The following ONECUT1 variants were observed in gnomAD, a reference collection of about 807,000 sequenced individuals.
ONECUT1 encodes one cut homeobox 1.
A neutral mutation model predicts 25.6 loss-of-function variants in ONECUT1; 12 were observed. The ratio of observed to expected loss-of-function variants is 0.47; its 90% CI spans 0.30 to 0.76. The LOEUF (loss-of-function observed/expected upper bound fraction) is 0.76. Among genes scored for constraint, ONECUT1 ranks in the 30% least tolerant of loss-of-function variants. ONECUT1 has a pLI of 0.07. For missense variants in ONECUT1, 620 were observed against 651.2 expected, an observed-to-expected ratio of 0.95 and a Z score of 0.52; for synonymous variants, 285 against 270.2, an observed-to-expected ratio of 1.05 and a Z score of -0.54.
intron 1 of ONECUT1, chr15:52,785,709 G>T (rs2083870375): frequency 6.6e-6 from 1 of 152,330 alleles, no homozygotes. Context: ...TCCCGGAGGA[G>T]ACGCGGCGAG....
chr15:52,759,653 C>G (rs974337941), intron 1 of ONECUT1, among the ~76,000 whole-genome samples: 1 of 152,194 alleles, frequency 6.6e-6, no homozygotes, highest in Non-Finnish European at 1.5e-5. Flanking sequence ...AGGCTGGATA[C>G]AGTGGTGCAA....
chr15:52,784,652 C>T lies in ONECUT1; in HGVS notation c.1105+4128G>A, dbSNP rs2083862325. On this transcript the variant is annotated intron_variant, in intron 1 of 1. Coordinates refer to ENST00000305901, the MANE Select transcript of ONECUT1 (RefSeq NM_004498.4). The surrounding 1 kb of genome is among the most constrained non-coding windows in gnomAD (Gnocchi z 5.0). ...ACACAGGGGGAACTATGGTCCTACA[C>T]CCTCGAGGGGACAGACACCGGCCGT... Among the ~76,000 whole-genome samples the T allele has an allele frequency of 6.6e-6, 1 of 152,358 alleles. No homozygotes were observed. Among genetic ancestry groups the T allele is most frequent in the Middle Eastern group, 3.4e-3 (1 of 294 alleles).
At chr15:52,777,494 G>T (rs1425538267) in intron 1 of ONECUT1, among the ~76,000 whole-genome samples, 2 of 152,126 alleles carry the variant, frequency 1.3e-5, no homozygotes, top group Non-Finnish European at 2.9e-5. Flanking sequence ...ACTCAGCTGT[G>T]CTGGGAAAGA....
chr15:52,780,529 C>T, intron 1 of ONECUT1: 2 of 1,434,870 alleles, frequency 1.4e-6, no homozygotes, highest in South Asian at 2.5e-5. Flanking sequence ...AGAATTTAAT[C>T]ACTTTAACTG....
chr15:52,759,316 C>T (rs1158697194), intron 1 of ONECUT1, among the ~76,000 whole-genome samples: 1 of 152,180 alleles, frequency 6.6e-6, no homozygotes, highest in Non-Finnish European at 1.5e-5. Context: ...CTGCCCCTCC[C>T]TTTCATTTCC....
intron 1 of ONECUT1, among the ~76,000 whole-genome samples, chr15:52,773,244 A>AAGAG (rs57065378): frequency 3.4e-4 from 51 of 150,462 alleles, no homozygotes; most frequent in African/African-American, 1.1e-3. Flanking sequence ...GAGAGAGAGA[A>AAGAG]AGAGAGAGAG....
intron 1 of ONECUT1, among the ~76,000 whole-genome samples, chr15:52,780,368 A>G (rs930151487): frequency 9.2e-5 from 14 of 152,248 alleles, no homozygotes; most frequent in Admixed American, 7.8e-4. Flanking sequence ...TGGTAGTGCC[A>G]TTACATAATC....
rs542155721 is a variant in ONECUT1 at position 52,784,864 on chromosome 15, G to A, written c.1105+3916C>T. Among the ~76,000 whole-genome samples, 114 of 152,246 alleles carry A rather than the reference G, an allele frequency of 7.5e-4. 1 individual carries two copies. Among genetic ancestry groups the A allele is most frequent in the Non-Finnish European group, 1.3e-3 (91 of 68,040 alleles). On this transcript the variant is annotated intron_variant, in intron 1 of 1. Coordinates refer to ENST00000305901, the MANE Select transcript of ONECUT1 (RefSeq NM_004498.4). The surrounding 1 kb of genome is among the most constrained non-coding windows in gnomAD (Gnocchi z 5.0). ...TAGGAGGCCATCCTAGGCCTTCGGAGGAGGCGCTCCCAGCTGGCGGCGCCC... is the reference window on the plus strand; with the variant it reads ...TAGGAGGCCATCCTAGGCCTTCGGAAGAGGCGCTCCCAGCTGGCGGCGCCC...
rs1288639189 is a variant in ONECUT1 at position 52,789,235 on chromosome 15, C to T, written c.650G>A (p.Gly217Asp). ...CATGGCCGGGTGGTGGGCTTCGAAG[C>T]CGTTGGGGGTGAGCATCTTGTCGGT... ...MPTDKMLTPN[G>D]FEAHHPAMLG... The change falls in exon 1 of 2, where the codon GGC (glycine) becomes GAC (aspartate). Residue 217 changes from glycine (G) to aspartate (D), a missense_variant. This residue lies in a region of ONECUT1 where 440 missense variants were observed against 404.9 expected (regional missense o/e 1.09). Transcript: ENST00000305901. The surrounding 1 kb of genome is among the most constrained non-coding windows in gnomAD (Gnocchi z 4.1). 1.3e-5 allele frequency: 20 copies of T among 1,552,576 alleles called. No homozygotes were observed. The highest frequency in any genetic ancestry group is 1.7e-5 in the Non-Finnish European group (19 of 1,151,476).
chr15:52,780,884 C>A, intron 1 of ONECUT1: 18 of 1,341,564 alleles, frequency 1.3e-5, no homozygotes, highest in Non-Finnish European at 1.5e-5. Flanking sequence ...TTCTGAATAT[C>A]CCGTGGCGGC....
chr15:52,759,674 C>T (rs149442617), intron 1 of ONECUT1, among the ~76,000 whole-genome samples: 79 of 152,346 alleles, frequency 5.2e-4, no homozygotes, highest in African/African-American at 1.9e-3. Context: ...TCTTGGCACA[C>T]TGCAACCTCT....
chr15:52,780,477 G>C (rs1323386157), intron 1 of ONECUT1: 1 of 1,024,878 alleles, frequency 9.8e-7, no homozygotes, highest in East Asian at 2.7e-5. Context: ...TTAGTTAACC[G>C]CATTAGTGTG....
intron 1 of ONECUT1, among the ~76,000 whole-genome samples, chr15:52,761,618 C>T (rs1384269609): frequency 1.3e-5 from 2 of 152,180 alleles, no homozygotes; most frequent in Non-Finnish European, 2.9e-5. Flanking sequence ...TTGTAGTCAG[C>T]TGATATTGCA....
chr15:52,780,520 G>T, intron 1 of ONECUT1: 4 of 1,402,132 alleles, frequency 2.9e-6, no homozygotes, highest in East Asian at 5.0e-5. Context: ...TAAGTAATTA[G>T]AATTTAATCA....
chr15:52,783,385 A>G (rs1752310408), intron 1 of ONECUT1, among the ~76,000 whole-genome samples: 1 of 152,222 alleles, frequency 6.6e-6, no homozygotes, highest in Admixed American at 6.5e-5. Flanking sequence ...CTAGCGCCCT[A>G]AGAAACTTCG....
chr15:52,787,223 G>T (rs1440910928), intron 1 of ONECUT1: 1 of 152,298 alleles, frequency 6.6e-6, no homozygotes, highest in Non-Finnish European at 1.5e-5. Flanking sequence ...GCAGGAACCT[G>T]CATGAGGACT....
At chr15:52,787,636 T>TGGGG (rs1336585226) in intron 1 of ONECUT1, 1 of 14,498 alleles carries the variant, frequency 6.9e-5, no homozygotes, top group South Asian at 2.3e-3. Context: ...AGGTGGGGGG[T>TGGGG]GGGGGAGTGG....
At position 52,788,628 on chromosome 15, in the gene ONECUT1, G is replaced by T; in HGVS notation, c.1105+152C>A. On this transcript the variant is annotated intron_variant, in intron 1 of 1. Transcript: ENST00000305901. This position sits in a 1 kb window ranked among gnomAD's most constrained non-coding sequence, Gnocchi z 4.3. ...AGGCAATTTGCTCCCACAGCCCTGT[G>T]CTGGCCCTTCCAGGCACAGGGAGTC... 1 of 808,828 alleles carries T rather than the reference G, an allele frequency of 1.2e-6. No homozygotes were observed. Among genetic ancestry groups the T allele is most frequent in the Non-Finnish European group, 1.9e-6 (1 of 524,482 alleles). The allele number at this position is 808,828 out of a possible 1,614,324, so 50.1% of individuals were successfully genotyped here. A position where few individuals can be genotyped will look rare whatever the true frequency, so the allele number is the denominator to read the frequency against.
rs1408918965 is a variant in ONECUT1 at position 52,756,576 on chromosome 15, G to C, written c.*979C>G. On this transcript the variant is annotated 3_prime_UTR_variant, in exon 2 of 2. Coordinates refer to ENST00000305901, the MANE Select transcript of ONECUT1 (RefSeq NM_004498.4). ...TCTCTCTACTTAAGTGACATTTATG[G>C]ATCCTGAAAAGGAGTGTGCCATCTG... is the stretch of plus-strand genomic sequence containing the variant. 1.3e-5 allele frequency among the ~76,000 whole-genome samples: 2 copies of C among 152,168 alleles called. No homozygotes were observed. The highest frequency in any genetic ancestry group is 6.5e-5 in the Admixed American group (1 of 15,272).
Sources: gnomAD v4.1 joint callset for allele counts (sites outside exome capture counted in the v4.1 genomes callset) on GRCh38, gnomAD v4.1.1 for gene constraint, gnomAD v4.1.1 regional missense constraint, Gnocchi (gnomAD v3.1) non-coding constraint, MANE v1.5 for transcripts, NCBI Gene and HGNC (gene_info 2026-07-23, HGNC 2026-07-21) for gene names.